Variants in OR9Q1 observed in about 807,000 individuals in gnomAD.
The protein encoded by OR9Q1 is olfactory receptor 9Q1.
For missense variants in OR9Q1, 374 were observed against 378.8 expected (o/e 0.99, Z 0.11); for synonymous variants, 153 against 148.6 (o/e 1.03, Z -0.22).
chr11:58,104,983 A>G (rs920910027), intron 2 of OR9Q1, among the ~76,000 whole-genome samples: 2 of 152,182 alleles, frequency 1.3e-5, no homozygotes, highest in Admixed American at 6.6e-5. Flanking sequence ...CAAACTTACA[A>G]ATTAATTTTC....
chr11:58,122,679 T>C (rs1854046267), intron 2 of OR9Q1, among the ~76,000 whole-genome samples: 1 of 152,182 alleles, frequency 6.6e-6, no homozygotes, highest in South Asian at 2.1e-4. Flanking sequence ...TCATCATTGG[T>C]CAGGGCAAGG....
At chr11:58,145,736 T>C (rs1339566228) in intron 2 of OR9Q1, among the ~76,000 whole-genome samples, 1 of 152,184 alleles carries the variant, frequency 6.6e-6, no homozygotes, top group Non-Finnish European at 1.5e-5. Context: ...AGATTTTTTT[T>C]CTTATCTGTC....
intron 2 of OR9Q1, among the ~76,000 whole-genome samples, chr11:58,133,622 A>G (rs1474911285): frequency 6.6e-6 from 1 of 152,224 alleles, no homozygotes; most frequent in Non-Finnish European, 1.5e-5. Context: ...GATTGTTTTC[A>G]GAATCAGAAG....
At chr11:58,179,232 G>T (rs1320851624) in intron 2 of OR9Q1, among the ~76,000 whole-genome samples, 199 bp from the exon 3 acceptor site, 5 of 151,860 alleles carry the variant, frequency 3.3e-5, no homozygotes, top group Non-Finnish European at 5.9e-5. Context: ...CACCATGTTG[G>T]CCAGGCTGGT....
chr11:58,157,413 ACTGT>A (rs909881896), intron 2 of OR9Q1, among the ~76,000 whole-genome samples: 1 of 152,174 alleles, frequency 6.6e-6, no homozygotes, highest in Non-Finnish European at 1.5e-5. Context: ...ATATTCAATA[ACTGT>A]CTATTTCCCC....
intron 2 of OR9Q1, among the ~76,000 whole-genome samples, chr11:58,105,982 A>G (rs1784457180): frequency 6.6e-6 from 1 of 152,102 alleles, no homozygotes; most frequent in Admixed American, 6.6e-5. Flanking sequence ...ATATATGTCC[A>G]GGAGTGGGAC....
At chr11:58,153,003 C>G (rs1190600436) in intron 2 of OR9Q1, among the ~76,000 whole-genome samples, 3 of 152,226 alleles carry the variant, frequency 2.0e-5, no homozygotes, top group Admixed American at 1.3e-4. Context: ...GTGCCTGGCA[C>G]AGAGCCTGCC....
chr11:58,103,927 G>A (rs1440073735), intron 2 of OR9Q1, among the ~76,000 whole-genome samples: 1 of 152,154 alleles, frequency 6.6e-6, no homozygotes, highest in Non-Finnish European at 1.5e-5. Context: ...GCAGAGGTGT[G>A]GCTTTGCTGG....
intron 1 of OR9Q1, among the ~76,000 whole-genome samples, chr11:58,033,740 C>T (rs1405998389): frequency 6.6e-6 from 1 of 151,716 alleles, no homozygotes; most frequent in African/African-American, 2.4e-5. Context: ...GCACATGTAC[C>T]CCCTGAATCT....
intron 2 of OR9Q1, among the ~76,000 whole-genome samples, chr11:58,170,245 C>T (rs746580792): frequency 7.9e-5 from 12 of 152,064 alleles, no homozygotes; most frequent in Non-Finnish European, 4.4e-5. Flanking sequence ...GGTACTGGGA[C>T]ATTGACTCCT....
At chr11:58,075,635 A>G (rs970518590) in intron 2 of OR9Q1, among the ~76,000 whole-genome samples, 1 of 152,236 alleles carries the variant, frequency 6.6e-6, no homozygotes, top group African/African-American at 2.4e-5. Context: ...ACCTATGAAC[A>G]AGAAAGTGGG....
chr11:58,040,434 A>T (rs923949784), intron 1 of OR9Q1, among the ~76,000 whole-genome samples: 2 of 152,296 alleles, frequency 1.3e-5, no homozygotes, highest in Middle Eastern at 6.8e-3. Context: ...GCTCCACTCA[A>T]CCACTCTACC....
intron 2 of OR9Q1, among the ~76,000 whole-genome samples, chr11:58,070,141 A>G (rs1329500501): frequency 2.7e-5 from 4 of 150,534 alleles, no homozygotes; most frequent in Admixed American, 2.0e-4. Context: ...AGCTGGGACT[A>G]CAGGTGTACG....
chr11:58,026,288 A>C (rs117897614), intron 1 of OR9Q1, among the ~76,000 whole-genome samples: 2 of 152,206 alleles, frequency 1.3e-5, no homozygotes, highest in African/African-American at 2.4e-5. Flanking sequence ...TAATAGGTTC[A>C]AAAATTTCCA....
Position 58,117,999 on chromosome 11 carries a change from T to G in OR9Q1, c.-14-61432T>G, listed in dbSNP as rs911937685. The stretch of plus-strand genomic sequence containing the variant: ...TTCCTTCCCTTGGCCAGTTGGAGAC[T>G]GAGTTTTTCCTTATACAATACTCCC... On this transcript the variant is annotated intron_variant, in intron 2 of 2. Transcript: ENST00000335397. 2.6e-5 allele frequency: 4 copies of G among 152,454 alleles called. No homozygotes were observed. The East Asian group carries it at 7.7e-4, about 29-fold the overall frequency. 9.4% of individuals were successfully genotyped at this position (152,454 alleles called of 1,614,324 possible). A position where few individuals can be genotyped will look rare whatever the true frequency, so the allele number is the denominator to read the frequency against.
chr11:58,110,034 C>T (rs907704618), intron 2 of OR9Q1, among the ~76,000 whole-genome samples: 22 of 152,168 alleles, frequency 1.4e-4, no homozygotes, highest in African/African-American at 5.3e-4. Context: ...AGGGCTGCCT[C>T]TATGTGGCTT....
At chr11:58,126,450 G>A (rs552562915) in intron 2 of OR9Q1, among the ~76,000 whole-genome samples, 1 of 152,240 alleles carries the variant, frequency 6.6e-6, no homozygotes, top group Non-Finnish European at 1.5e-5. Flanking sequence ...TCTCAAAGAG[G>A]CCATGTGCTC....
At chr11:58,066,427 T>C (rs1041356181) in intron 2 of OR9Q1, among the ~76,000 whole-genome samples, 4 of 152,228 alleles carry the variant, frequency 2.6e-5, no homozygotes. Context: ...TCAGAGCGTC[T>C]GTGCCTGCTT....
intron 2 of OR9Q1, among the ~76,000 whole-genome samples, chr11:58,092,603 T>C (rs192546815): frequency 5.3e-5 from 8 of 152,302 alleles, no homozygotes; most frequent in African/African-American, 1.9e-4. Context: ...TAAGCCACAA[T>C]TATGCATTTT....
Sources: allele counts gnomAD v4.1 joint callset (sites outside exome capture counted in the v4.1 genomes callset), GRCh38; gene constraint gnomAD v4.1.1; transcripts MANE v1.5; gene names NCBI Gene and HGNC (gene_info 2026-07-23, HGNC 2026-07-21).